Variants in CSMD1 observed in about 807,000 individuals in gnomAD.
CSMD1 encodes the protein CUB and sushi domain-containing protein 1.
In CSMD1, 213 loss-of-function variants were observed where a neutral mutation model predicts 417.5. The observed-to-expected ratio is 0.51, with a 90% confidence interval of 0.46 to 0.57. CSMD1 has a LOEUF of 0.57. Among genes scored for constraint, CSMD1 ranks in the 20% least tolerant of loss-of-function variants. CSMD1 has a pLI of 0.00. For synonymous variants in CSMD1, 2,862 were observed against 1,736.8 expected (o/e 1.65, Z -16.11); for missense variants, 6,923 against 4,529.7 (o/e 1.53, Z -15.17).
chr8:4,597,247 T>G (rs535616554), intron 2 of CSMD1, among the ~76,000 whole-genome samples: 2 of 152,290 alleles, frequency 1.3e-5, no homozygotes, highest in Admixed American at 6.5e-5. Flanking sequence ...TGGTGATATA[T>G]TATCCCATGC....
At chr8:3,972,822 C>T (rs1374488370) in intron 5 of CSMD1, among the ~76,000 whole-genome samples, 1 of 152,126 alleles carries the variant, frequency 6.6e-6, no homozygotes, top group Non-Finnish European at 1.5e-5. Flanking sequence ...TTTGGATATT[C>T]ACACATATCT....
chr8:4,312,405 ATG>A (rs1798668845), intron 3 of CSMD1, among the ~76,000 whole-genome samples: 1 of 137,386 alleles, frequency 7.3e-6, no homozygotes, highest in African/African-American at 3.2e-5. Context: ...ATACATATAT[ATG>A]CGTGTATATA....
chr8:4,418,151 G>T (rs188323378), intron 3 of CSMD1, among the ~76,000 whole-genome samples: 2 of 151,352 alleles, frequency 1.3e-5, no homozygotes, highest in African/African-American at 2.4e-5. Context: ...TTTAAATAGA[G>T]GTTTGTCTTC....
At chr8:4,114,233 A>C (rs912815191) in intron 3 of CSMD1, among the ~76,000 whole-genome samples, 1 of 152,204 alleles carries the variant, frequency 6.6e-6, no homozygotes, top group Admixed American at 6.5e-5. Context: ...ATGTTTGTTT[A>C]ACATTTTGAA....
chr8:4,003,984 T>G (rs1303405504), intron 4 of CSMD1, among the ~76,000 whole-genome samples: 1 of 152,034 alleles, frequency 6.6e-6, no homozygotes. Flanking sequence ...ATTCAGAGAC[T>G]CAGAAAATAT....
At chr8:3,696,796 T>C (rs1180854278) in intron 7 of CSMD1, among the ~76,000 whole-genome samples, 1 of 152,220 alleles carries the variant, frequency 6.6e-6, no homozygotes, top group Non-Finnish European at 1.5e-5. Context: ...CTAAAATATA[T>C]TTCTTCTACT....
At chr8:4,241,756 T>G (rs118180663) in intron 3 of CSMD1, among the ~76,000 whole-genome samples, 2,847 of 149,996 alleles carry the variant, frequency 0.019, 39 homozygotes, top group Middle Eastern at 0.032. Flanking sequence ...CAGGCTGGAG[T>G]GCAGTGGCGT....
At chr8:4,818,833 A>G (rs1165010410) in intron 1 of CSMD1, among the ~76,000 whole-genome samples, 1 of 152,226 alleles carries the variant, frequency 6.6e-6, no homozygotes, top group Admixed American at 6.5e-5. Flanking sequence ...GGAATTATGC[A>G]TTATCATTTT....
chr8:4,809,598 A>G (rs1312633933), intron 1 of CSMD1, among the ~76,000 whole-genome samples: 1 of 152,208 alleles, frequency 6.6e-6, no homozygotes, highest in African/African-American at 2.4e-5. Flanking sequence ...ACCAAAAGGT[A>G]AAGCTGTGCT....
chr8:4,147,766 G>A (rs563319021), intron 3 of CSMD1, among the ~76,000 whole-genome samples: 1 of 152,060 alleles, frequency 6.6e-6, no homozygotes, highest in South Asian at 2.1e-4. Context: ...CCATGGACTT[G>A]CCATGTGAGA....
chr8:3,023,364 T>C lies in CSMD1; in HGVS notation c.7856-4714A>G, dbSNP rs571655737. ...TTTTCTGGTTCAGGGATTTCTGTGA[T>C]AAATGTTTTTCTTTTTAAATATGAA... is the stretch of plus-strand genomic sequence containing the variant. On this transcript the variant is annotated intron_variant, in intron 51 of 69. Coordinates refer to ENST00000635120, the MANE Select transcript of CSMD1 (RefSeq NM_033225.6). Among the ~76,000 whole-genome samples the C allele has an allele frequency of 2.0e-5, 3 of 152,356 alleles. No homozygotes were observed. In the South Asian group the frequency reaches 6.2e-4, roughly 32 times the overall value.
intron 5 of CSMD1, among the ~76,000 whole-genome samples, chr8:3,878,151 A>AT (rs1014674031): frequency 1.3e-5 from 2 of 151,834 alleles, no homozygotes; most frequent in African/African-American, 4.8e-5. Flanking sequence ...GTCTTTGTAC[A>AT]TTTTTTGCAC....
At chr8:4,685,453 T>C (rs758431789) in intron 1 of CSMD1, among the ~76,000 whole-genome samples, 4 of 152,106 alleles carry the variant, frequency 2.6e-5, no homozygotes, top group Non-Finnish European at 4.4e-5. Context: ...CACGTGCCTG[T>C]AATCCCAGCT....
intron 10 of CSMD1, among the ~76,000 whole-genome samples, chr8:3,503,607 T>A (rs988262355): frequency 1.3e-5 from 2 of 152,196 alleles, no homozygotes. Context: ...TTTGTCAGCT[T>A]TAAATGGTAC....
At chr8:4,289,067 G>C (rs555121901) in intron 3 of CSMD1, among the ~76,000 whole-genome samples, 1 of 152,208 alleles carries the variant, frequency 6.6e-6, no homozygotes, top group South Asian at 2.1e-4. Context: ...TGCACATATG[G>C]ATGAAAATAA....
intron 38 of CSMD1, 130 bp from the exon 39 acceptor site, chr8:3,158,096 G>T: frequency 1.3e-6 from 1 of 754,866 alleles, no homozygotes; most frequent in Non-Finnish European, 2.1e-6. Flanking sequence ...CAAAAATTGT[G>T]AAATCTGTTT....
At position 4,675,435 on chromosome 8, in the gene CSMD1, C is replaced by T. The variant is rs536895938; in HGVS notation, c.86-37877G>A. Among the ~76,000 whole-genome samples, 20 of 152,206 alleles carry T rather than the reference C, an allele frequency of 1.3e-4. No individual in the cohort carries two copies. The South Asian group carries it at 3.9e-3, about 30-fold the overall frequency. On this transcript the variant is annotated intron_variant, in intron 1 of 69. Coordinates refer to ENST00000635120, the MANE Select transcript of CSMD1 (RefSeq NM_033225.6). ...ACTGTTTTTGTCATATTTAACTTTGCTGAGCCTCAGGATTGTAAGAACATT... is the reference window on the plus strand; with the variant it reads ...ACTGTTTTTGTCATATTTAACTTTGTTGAGCCTCAGGATTGTAAGAACATT...
intron 1 of CSMD1, among the ~76,000 whole-genome samples, chr8:4,973,099 A>T (rs994218118): frequency 6.6e-6 from 1 of 152,126 alleles, no homozygotes; most frequent in Non-Finnish European, 1.5e-5. Flanking sequence ...ATCAAAGGAA[A>T]CTCATGCTAC....
intron 5 of CSMD1, among the ~76,000 whole-genome samples, chr8:3,802,837 C>G (rs188529676): frequency 1.1e-3 from 172 of 152,228 alleles, no homozygotes; most frequent in African/African-American, 4.0e-3. Flanking sequence ...GTGAAGGGCA[C>G]TTTTAAGCAT....
Sources: allele counts gnomAD v4.1 joint callset (sites outside exome capture counted in the v4.1 genomes callset), GRCh38; gene constraint gnomAD v4.1.1; transcripts MANE v1.5; gene names NCBI Gene and HGNC (gene_info 2026-07-23, HGNC 2026-07-21).